PAK5: variants seen among roughly 807,000 people sequenced by gnomAD.
The protein encoded by PAK5 is p21 (RAC1) activated kinase 5, also known as serine/threonine-protein kinase PAK 5.
A neutral mutation model predicts 65.9 loss-of-function variants in PAK5; 16 were observed. The ratio of observed to expected loss-of-function variants is 0.24; its 90% confidence interval spans 0.16 to 0.37. The LOEUF is 0.37. Ranked by LOEUF, PAK5 falls within the 10% of genes least tolerant of loss-of-function variation. PAK5 has a pLI of 1.00. For synonymous variants in PAK5, 371 were observed against 354.9 expected, an observed-to-expected ratio of 1.05 and a Z score of -0.51; for missense variants, 785 against 903.9, an observed-to-expected ratio of 0.87 and a Z score of 1.69.
chr20:9,716,349 T>C (rs1274401574), intron 1 of PAK5, among the ~76,000 whole-genome samples: 1 of 152,188 alleles, frequency 6.6e-6, no homozygotes, highest in Non-Finnish European at 1.5e-5. Context: ...TTTGATACCC[T>C]ATTCAAACAG....
chr20:9,675,670 T>C (rs1339743913), intron 2 of PAK5, among the ~76,000 whole-genome samples: 1 of 152,158 alleles, frequency 6.6e-6, no homozygotes, highest in African/African-American at 2.4e-5. Flanking sequence ...GTTCCAAATA[T>C]TCATTTCTTC....
At chr20:9,745,452 C>T (rs771645260) in intron 1 of PAK5, among the ~76,000 whole-genome samples, 21 of 152,002 alleles carry the variant, frequency 1.4e-4, no homozygotes, top group Non-Finnish European at 2.6e-4. Flanking sequence ...GGAAAAAATC[C>T]TTTACAGCTA....
chr20:9,732,042 G>A (rs1219986899), intron 1 of PAK5, among the ~76,000 whole-genome samples: 2 of 152,068 alleles, frequency 1.3e-5, no homozygotes, highest in African/African-American at 2.4e-5. Flanking sequence ...ATTTTCTCTT[G>A]AGTCAAATGA....
At chr20:9,667,174 G>A (rs970987251) in intron 2 of PAK5, among the ~76,000 whole-genome samples, 1 of 152,168 alleles carries the variant, frequency 6.6e-6, no homozygotes, top group Non-Finnish European at 1.5e-5. Flanking sequence ...CTACTTGGGA[G>A]GCTGAGGCAG....
At chr20:9,591,671 C>T (rs1381655933) in intron 3 of PAK5, among the ~76,000 whole-genome samples, 2 of 136,212 alleles carry the variant, frequency 1.5e-5, no homozygotes, top group African/African-American at 5.5e-5. Context: ...ATTGCAACTA[C>T]CTCCCCAAAT....
intron 1 of PAK5, among the ~76,000 whole-genome samples, chr20:9,795,039 A>T (rs6039585): frequency 0.012 from 1,830 of 152,100 alleles, 47 homozygotes; most frequent in African/African-American, 0.041. Flanking sequence ...TGGATCCAAT[A>T]CATGGTTTCC....
intron 1 of PAK5, among the ~76,000 whole-genome samples, chr20:9,803,672 G>T (rs1053545695): frequency 6.6e-6 from 1 of 152,132 alleles, no homozygotes; most frequent in Non-Finnish European, 1.5e-5. Context: ...TTATATATCT[G>T]CATTAAAGTA....
Position 9,537,778 on chromosome 20 carries a change from G to A in PAK5, c.*1684C>T. 1 of 221,550 alleles carries A rather than the reference G, an allele frequency of 4.5e-6. No homozygotes were observed. Among genetic ancestry groups the A allele is most frequent in the Admixed American group, 5.8e-5 (1 of 17,352 alleles). 13.7% of individuals were successfully genotyped at this position (221,550 alleles called of 1,614,324 possible). A position where few individuals can be genotyped will look rare whatever the true frequency, so the allele number is the denominator to read the frequency against. On this transcript the variant is annotated 3_prime_UTR_variant, in exon 10 of 10. Transcript: ENST00000353224. ...ATTTTACATAAAACATTGATTTGCT[G>A]TTTTATGAAGCAAAATCATAGATCA...
chr20:9,657,573 C>A (rs1368722878), intron 2 of PAK5, among the ~76,000 whole-genome samples: 1 of 152,062 alleles, frequency 6.6e-6, no homozygotes, highest in Non-Finnish European at 1.5e-5. Context: ...ATTAGTTTTA[C>A]CTCTTTTGTG....
chr20:9,595,404 A>T (rs2046245333), intron 3 of PAK5, among the ~76,000 whole-genome samples: 1 of 152,166 alleles, frequency 6.6e-6, no homozygotes, highest in South Asian at 2.1e-4. Context: ...AATCCCATTG[A>T]TTCCCTCAAT....
chr20:9,738,152 A>C (rs1424247565), intron 1 of PAK5, among the ~76,000 whole-genome samples: 1 of 151,948 alleles, frequency 6.6e-6, no homozygotes, highest in Non-Finnish European at 1.5e-5. Flanking sequence ...AAAAACAAAA[A>C]ACAAACAAAC....
chr20:9,793,952 A>G (rs1468802932), intron 1 of PAK5, among the ~76,000 whole-genome samples: 1 of 152,204 alleles, frequency 6.6e-6, no homozygotes, highest in East Asian at 1.9e-4. Flanking sequence ...GATAGACTGG[A>G]TAAAGAAAAT....
At chr20:9,699,291 T>C (rs933640272) in intron 2 of PAK5, among the ~76,000 whole-genome samples, 1 of 152,168 alleles carries the variant, frequency 6.6e-6, no homozygotes, top group Non-Finnish European at 1.5e-5. Context: ...CAGATTCTCC[T>C]TGTCTCACTT....
chr20:9,699,408 A>G (rs2047909675), intron 2 of PAK5, among the ~76,000 whole-genome samples: 1 of 152,082 alleles, frequency 6.6e-6, no homozygotes, highest in South Asian at 2.1e-4. Flanking sequence ...CAGGTATGAG[A>G]AACAATCTGT....
intron 2 of PAK5, among the ~76,000 whole-genome samples, chr20:9,647,996 A>G (rs1194400914): frequency 6.6e-6 from 1 of 152,142 alleles, no homozygotes; most frequent in African/African-American, 2.4e-5. Context: ...TCTTCTTGGC[A>G]GAATATTTCT....
chr20:9,557,407 CAA>C (rs1173722886), intron 7 of PAK5, among the ~76,000 whole-genome samples, 199 bp downstream of exon 7: 1 of 152,180 alleles, frequency 6.6e-6, no homozygotes, highest in Admixed American at 6.5e-5. Flanking sequence ...AATTATCCAT[CAA>C]AGTCAGGCAA....
At chr20:9,812,991 A>C (rs890210851) in intron 1 of PAK5, among the ~76,000 whole-genome samples, 8 of 152,182 alleles carry the variant, frequency 5.3e-5, no homozygotes, top group Admixed American at 5.2e-4. Flanking sequence ...TAGTAACTTA[A>C]AGCTAAAAAA....
At chr20:9,657,923 T>G (rs112233209) in intron 2 of PAK5, among the ~76,000 whole-genome samples, 114 of 152,334 alleles carry the variant, frequency 7.5e-4, no homozygotes, top group African/African-American at 2.6e-3. Context: ...AAACATCGTC[T>G]AGATAGTCCC....
At chr20:9,826,759 T>G (rs1194182940) in intron 1 of PAK5, among the ~76,000 whole-genome samples, 4 of 152,170 alleles carry the variant, frequency 2.6e-5, no homozygotes, top group Non-Finnish European at 4.4e-5. Context: ...TGCCGAAGAC[T>G]TGGGCAGAAC....
Sources: allele counts gnomAD v4.1 joint callset (sites outside exome capture counted in the v4.1 genomes callset), GRCh38; gene constraint gnomAD v4.1.1; transcripts MANE v1.5; gene names NCBI Gene and HGNC (gene_info 2026-07-23, HGNC 2026-07-21).